MTMR3: variants seen among roughly 807,000 people sequenced by gnomAD.
MTMR3 encodes phosphatidylinositol-3,5-bisphosphate 3-phosphatase MTMR3.
A neutral mutation model predicts 132.4 loss-of-function variants in MTMR3; 32 were observed. That is an observed-to-expected ratio of 0.24 (90% confidence interval 0.18 to 0.32). The LOEUF (loss-of-function observed/expected upper bound fraction) is 0.32. MTMR3 is among the 10% of genes least tolerant of loss of function. The pLI is 1.00. For missense variants in MTMR3, 1,216 were observed against 1,489.6 expected (o/e 0.82, Z 3.02); for synonymous variants, 556 against 550.3 (o/e 1.01, Z -0.14).
chr22:30,026,109 C>T lies in MTMR3; in HGVS notation c.*308C>T, dbSNP rs111541457. On this transcript the variant is annotated 3_prime_UTR_variant, in exon 20 of 20. Coordinates refer to ENST00000401950, the MANE Select transcript of MTMR3 (RefSeq NM_021090.4). ...AGGCCCACTGTAACTGCCGAGCTGC[C>T]TGCTGTCACGTGACACTGAGGGATG... is the stretch of plus-strand genomic sequence containing the variant. 1.5e-3 allele frequency: 449 copies of T among 307,016 alleles called. No homozygotes were observed. Among genetic ancestry groups the T allele is most frequent in the African/African-American group, 9.1e-3 (430 of 47,244 alleles). The allele number at this position is 307,016 out of a possible 1,614,324, so 19.0% of individuals were successfully genotyped here.
Position 29,954,482 on chromosome 22 carries a change from A to G in MTMR3, c.-137-2554A>G, listed in dbSNP as rs1181033940. Among the ~76,000 whole-genome samples, 3 of 152,194 alleles carry G rather than the reference A, an allele frequency of 2.0e-5. No individual in the cohort carries two copies. The East Asian group carries it at 5.8e-4, about 30-fold the overall frequency. ...CACAATGACACACTGTTTCTAACCA[A>G]GCAGATGTTTGACTGTGGTTACTGG... On this transcript the variant is annotated intron_variant, in intron 1 of 19. Coordinates refer to ENST00000401950, the MANE Select transcript of MTMR3 (RefSeq NM_021090.4).
At chr22:29,966,751 GTGTGTGTGTGTGTGTGTGTGTCTGTCTC>G (rs2066427143) in intron 2 of MTMR3, among the ~76,000 whole-genome samples, 1 of 150,490 alleles carries the variant, frequency 6.6e-6, no homozygotes, top group African/African-American at 2.5e-5. Context: ...GTGTGTGTGT[GTGTGTGTGTGTGTGTGTGTGTCTGTCTC>G]TGTGTGTGTG....
chr22:29,896,869 T>TCTCTCACA lies in MTMR3; in HGVS notation c.-138+13511_-138+13512insTCTCACAC, dbSNP rs145703649. ...TATAGTACAGAATAACAGGCTTGTC[T>TCTCTCACA]CACACACACACACACACACACACAC... On this transcript the variant is annotated intron_variant, in intron 1 of 19. Coordinates refer to ENST00000401950, the MANE Select transcript of MTMR3 (RefSeq NM_021090.4). 1.4e-4 allele frequency among the ~76,000 whole-genome samples: 20 copies of TCTCTCACA among 138,222 alleles called. No individual in the cohort carries two copies. The East Asian group carries it at 3.9e-3, about 27-fold the overall frequency. 90.7% of individuals were successfully genotyped at this position (138,222 alleles called of 152,430 possible). A position where few individuals can be genotyped will look rare whatever the true frequency, so the allele number is the denominator to read the frequency against.
chr22:29,898,411 T>C (rs1415017358), intron 1 of MTMR3, among the ~76,000 whole-genome samples: 1 of 152,118 alleles, frequency 6.6e-6, no homozygotes, highest in Non-Finnish European at 1.5e-5. Flanking sequence ...TAGATAGTTA[T>C]AAGTTTTTTG....
At position 29,948,578 on chromosome 22, in the gene MTMR3, A is replaced by G. The variant is rs529951287; in HGVS notation, c.-137-8458A>G. 8.0e-4 allele frequency among the ~76,000 whole-genome samples: 122 copies of G among 152,298 alleles called. 1 individual carries two copies. The highest frequency in any genetic ancestry group is 2.9e-3 in the African/African-American group (119 of 41,560). ...ATACATGGGCGTACTCTTGAGTTCT[A>G]ATGGCAAGCCAGCCTTCAAATTAAG... On this transcript the variant is annotated intron_variant, in intron 1 of 19. Transcript: ENST00000401950.
chr22:29,907,854 C>T (rs1481829708), intron 1 of MTMR3, among the ~76,000 whole-genome samples: 5 of 152,082 alleles, frequency 3.3e-5, no homozygotes, highest in Non-Finnish European at 7.3e-5. Context: ...CATTCCAGCT[C>T]TACAGGAATA....
intron 1 of MTMR3, among the ~76,000 whole-genome samples, chr22:29,926,261 G>A (rs56733052): frequency 0.043 from 6,602 of 152,216 alleles, 484 homozygotes; most frequent in African/African-American, 0.15. Flanking sequence ...TCCATTGTGT[G>A]TATGGATATA....
intron 1 of MTMR3, among the ~76,000 whole-genome samples, chr22:29,911,943 C>T (rs2065221399): frequency 6.6e-6 from 1 of 152,142 alleles, no homozygotes; most frequent in Admixed American, 6.5e-5. Context: ...GTACTTTTCA[C>T]TGATTAGGCA....
chr22:30,014,219 C>T (rs1257895378), intron 14 of MTMR3: 5 of 152,254 alleles, frequency 3.3e-5, no homozygotes, highest in Admixed American at 3.3e-4. Context: ...CTTAAACCCA[C>T]TTCAATCAGG....
At chr22:29,924,911 A>C (rs2065485123) in intron 1 of MTMR3, among the ~76,000 whole-genome samples, 1 of 152,230 alleles carries the variant, frequency 6.6e-6, no homozygotes, top group Admixed American at 6.5e-5. Context: ...TAGAATTGCT[A>C]GATTTGACAG....
chr22:29,962,844 A>G (rs1293104003), intron 2 of MTMR3, among the ~76,000 whole-genome samples: 1 of 151,792 alleles, frequency 6.6e-6, no homozygotes, highest in Non-Finnish European at 1.5e-5. Flanking sequence ...ATCATTTAGC[A>G]TAATGTTTTT....
Position 30,025,643 on chromosome 22 carries a change from G to A in MTMR3, c.3439G>A (p.Val1147Ile), listed in dbSNP as rs764083519. 13 of 1,614,076 alleles carry A rather than the reference G, an allele frequency of 8.1e-6. No homozygotes were observed. The highest frequency in any genetic ancestry group is 1.7e-5 in the Admixed American group (1 of 60,012). Residue 1147 changes from valine (V) to isoleucine (I), a missense_variant, in exon 20 of 20, where the codon GTA becomes ATA. Transcript: ENST00000401950. ...RKHHCRNCGNVFCSSCCNQKV... is the reference protein window; with the variant it reads ...RKHHCRNCGNIFCSSCCNQKV... Reference sequence around the variant, plus strand: ...TCTCATCTCAAGGAATTGTGGGAACGTATTCTGCTCCAGTTGTTGTAACCA... The same window carrying A: ...TCTCATCTCAAGGAATTGTGGGAACATATTCTGCTCCAGTTGTTGTAACCA...
At position 30,030,638 on chromosome 22, in the gene MTMR3, C is replaced by CTGG. The variant is rs777494343; in HGVS notation, c.*4837_*4838insTGG. The CTGG allele has an allele frequency of 2.6e-4, 13 of 50,444 alleles. 1 individual carries two copies. Among genetic ancestry groups the CTGG allele is most frequent in the African/African-American group, 9.2e-4 (12 of 13,066 alleles). 3.1% of individuals were successfully genotyped at this position (50,444 alleles called of 1,614,324 possible). A position where few individuals can be genotyped will look rare whatever the true frequency, so the allele number is the denominator to read the frequency against. ...AGAGGGGCTCTCAGCGAGGAGGGGG[C>CTGG]GGGGGGGGGGTCACTATTTATCTTC... On this transcript the variant is annotated 3_prime_UTR_variant, in exon 20 of 20. Transcript: ENST00000401950.
chr22:29,965,640 G>A (rs1835801651), intron 2 of MTMR3, among the ~76,000 whole-genome samples: 1 of 152,158 alleles, frequency 6.6e-6, no homozygotes, highest in African/African-American at 2.4e-5. Flanking sequence ...AGCTGAGATC[G>A]CACCACTGCA....
Position 30,020,207 on chromosome 22 carries a change from G to T in MTMR3, c.2548G>T (p.Val850Leu). The T allele has an allele frequency of 6.2e-7, 1 of 1,614,238 alleles. No homozygotes were observed. The highest frequency in any genetic ancestry group is 8.5e-7 in the Non-Finnish European group (1 of 1,180,038). ...CGTGGACAGTTCTACAGACATGTTA[G>T]TGGAAGATAAGGTGAAGTCAGTAAG... ...PNVDSSTDML[V>L]EDKVKSVSGP... The change falls in exon 17 of 20, where the codon GTG (valine) becomes TTG (leucine). Residue 850 changes from valine to leucine, a missense_variant. Around this residue, in one of 7 missense-constraint regions of MTMR3, gnomAD observed 852 missense variants for 852.0 expected, o/e 1.00. Coordinates refer to ENST00000401950, the MANE Select transcript of MTMR3 (RefSeq NM_021090.4).
intron 1 of MTMR3, among the ~76,000 whole-genome samples, chr22:29,907,164 G>A (rs1045195005): frequency 6.6e-6 from 1 of 151,860 alleles, no homozygotes; most frequent in Admixed American, 6.6e-5. Flanking sequence ...ACTTTGGGAG[G>A]CCAAGGCGGG....
chr22:29,997,816 G>T (rs2067092186), intron 7 of MTMR3: 1 of 152,098 alleles, frequency 6.6e-6, no homozygotes, highest in Admixed American at 6.5e-5. Context: ...CTGACATGAG[G>T]CTATTTGTTG....
At chr22:29,884,605 C>G (rs2064631604) in intron 1 of MTMR3, among the ~76,000 whole-genome samples, 1 of 141,618 alleles carries the variant, frequency 7.1e-6, no homozygotes, top group Admixed American at 7.6e-5. Context: ...CTCTCCCGCC[C>G]AGGCCGGAGT....
chr22:30,022,687 C>A lies in MTMR3; in HGVS notation c.3415C>A (p.His1139Asn). Residue 1139 changes from histidine to asparagine, a missense_variant, in exon 19 of 20, where the codon CAC becomes AAC. His to Asn is a moderately conservative substitution (Grantham distance 68, BLOSUM62 1). Coordinates refer to ENST00000401950, the MANE Select transcript of MTMR3 (RefSeq NM_021090.4). The part of the protein sequence containing the change: ...DSAFWLASRK[H>N]HCRNCGNVFC... ...TGCCTTCTGGCTTGCCAGCAGGAAG[C>A]ACCACTGCAGGTACCATTGAGGGGC... The A allele has an allele frequency of 6.2e-7, 1 of 1,608,502 alleles. No homozygotes were observed. The highest frequency in any genetic ancestry group is 8.5e-7 in the Non-Finnish European group (1 of 1,179,770).
Sources: gnomAD v4.1 joint callset for allele counts (sites outside exome capture counted in the v4.1 genomes callset) on GRCh38, gnomAD v4.1.1 for gene constraint, gnomAD v4.1.1 regional missense constraint, MANE v1.5 for transcripts, NCBI Gene and HGNC (gene_info 2026-07-23, HGNC 2026-07-21) for gene names.